OPTN: variants seen among roughly 807,000 people sequenced by gnomAD.
The protein encoded by OPTN is optineurin.
A neutral mutation model predicts 70.4 loss-of-function variants in OPTN; 54 were observed. The ratio of observed to expected loss-of-function variants is 0.77; its 90% confidence interval spans 0.62 to 0.96. OPTN has a LOEUF of 0.96. Among genes scored for constraint, OPTN ranks in the 40% least tolerant of loss-of-function variants. OPTN has a pLI of 0.00. For missense variants in OPTN, 624 were observed against 673.2 expected (o/e 0.93, Z 0.81); for synonymous variants, 256 against 248.5 (o/e 1.03, Z -0.28).
intron 1 of OPTN, among the ~76,000 whole-genome samples, 166 bp from the exon 2 acceptor site, chr10:13,107,972 C>T (rs1480700972): frequency 6.6e-6 from 1 of 152,150 alleles, no homozygotes; most frequent in South Asian, 2.1e-4. Context: ...ACTCATTGGT[C>T]TTGCATTTCT....
At chr10:13,134,499 C>T (rs1246416748) in intron 14 of OPTN, among the ~76,000 whole-genome samples, 1 of 152,148 alleles carries the variant, frequency 6.6e-6, no homozygotes, top group Non-Finnish European at 1.5e-5. Context: ...GTGGCATGAT[C>T]GTGGATCACT....
chr10:13,118,996 G>A lies in OPTN; in HGVS notation c.735G>A (p.Gln245=), dbSNP rs1355411320. The change falls in exon 7 of 15, where the codon CAG becomes CAA. Residue 245 remains glutamine, a synonymous_variant. Coordinates refer to ENST00000378747, the MANE Select transcript of OPTN (RefSeq NM_001008212.2). ...TGCTGTGCCTAAGGGAAGGGAATCAGAAGGTGGAGAGACTTGAAGTTGCAC... is the reference window on the plus strand; with the variant it reads ...TGCTGTGCCTAAGGGAAGGGAATCAAAAGGTGGAGAGACTTGAAGTTGCAC... ...QLLLCLREGN[Q]KVERLEVALK... is the part of the protein sequence containing the mutation. 1 of 1,613,998 alleles carries A rather than the reference G, an allele frequency of 6.2e-7. No homozygotes were observed. The highest frequency in any genetic ancestry group is 2.2e-5 in the East Asian group (1 of 44,888).
At chr10:13,129,822 T>G (rs749519654) in intron 12 of OPTN, among the ~76,000 whole-genome samples, 12 of 152,232 alleles carry the variant, frequency 7.9e-5, no homozygotes, top group Non-Finnish European at 1.5e-4. Context: ...ATTTTTAATA[T>G]AATAATGTCA....
intron 12 of OPTN, among the ~76,000 whole-genome samples, chr10:13,130,156 G>A (rs1425902675): frequency 2.6e-5 from 4 of 152,038 alleles, no homozygotes; most frequent in Non-Finnish European, 2.9e-5. Flanking sequence ...GCCGGGCATG[G>A]TGGCTCACAC....
intron 12 of OPTN, 82 bp downstream of exon 12, chr10:13,127,985 G>A: frequency 1.4e-6 from 2 of 1,480,678 alleles, no homozygotes; most frequent in Non-Finnish European, 9.4e-7. Flanking sequence ...TGTTTAGAAT[G>A]TTTGTAATTT....
At chr10:13,133,181 T>C (rs1461919858) in intron 13 of OPTN, among the ~76,000 whole-genome samples, 3 of 152,216 alleles carry the variant, frequency 2.0e-5, no homozygotes, top group Non-Finnish European at 2.9e-5. Context: ...AATATTATGA[T>C]TTTGAGCTCT....
rs1224036514 is a variant in OPTN, at chr10:13,110,279, A to G, written c.172A>G (p.Met58Val). The G allele has an allele frequency of 1.9e-6, 3 of 1,613,944 alleles. No individual in the cohort carries two copies. The highest frequency in any genetic ancestry group is 4.5e-5 in the East Asian group (2 of 44,872). Reference protein sequence around the residue: ...LTENHQLKEAMKLNNQAMKGR... With the variant: ...LTENHQLKEAVKLNNQAMKGR... Reference sequence around the variant, plus strand: ...TCACTCTGAACCTCCTGCAGAAGCCATGAAGCTAAATAATCAAGCCATGAA... The same window carrying G: ...TCACTCTGAACCTCCTGCAGAAGCCGTGAAGCTAAATAATCAAGCCATGAA... Residue 58 changes from methionine to valine, a missense_variant, in exon 4 of 15, where the codon ATG becomes GTG. Physicochemically the swap from Met to Val is conservative, Grantham distance 21. Transcript: ENST00000378747.
At chr10:13,102,694 G>T (rs1475301451) in intron 1 of OPTN, among the ~76,000 whole-genome samples, 1 of 152,184 alleles carries the variant, frequency 6.6e-6, no homozygotes, top group Admixed American at 6.5e-5. Context: ...TGTAATCCCA[G>T]CACTTAGGGA....
intron 13 of OPTN, among the ~76,000 whole-genome samples, chr10:13,132,486 G>T (rs1280064348): frequency 6.6e-6 from 1 of 152,026 alleles, no homozygotes; most frequent in African/African-American, 2.4e-5. Flanking sequence ...AGATAAGCAA[G>T]GATTTTGATT....
intron 8 of OPTN, 43 bp from the exon 9 acceptor site, chr10:13,123,952 G>A (rs762327185): frequency 1.4e-6 from 2 of 1,420,162 alleles, no homozygotes. Flanking sequence ...TTTAATGTCA[G>A]ATGATAATTG....
In OPTN at chr10:13,137,955, G is replaced by A. The variant is rs758812707; in HGVS notation, c.*1089G>A. ...TTCATAATCACAAGAATTAGTGATG[G>A]CAAAATAAAATTTTGCTTATGAATC... On this transcript the variant is annotated 3_prime_UTR_variant, in exon 15 of 15. Coordinates refer to ENST00000378747, the MANE Select transcript of OPTN (RefSeq NM_001008212.2). The A allele has an allele frequency of 5.6e-5, 12 of 213,232 alleles. No individual in the cohort carries two copies. Among genetic ancestry groups the A allele is most frequent in the Non-Finnish European group, 9.5e-5 (10 of 105,656 alleles). 13.2% of individuals were successfully genotyped at this position (213,232 alleles called of 1,614,324 possible). A position where few individuals can be genotyped will look rare whatever the true frequency, so the allele number is the denominator to read the frequency against.
At chr10:13,136,698 A>T in intron 14 of OPTN, 47 bp from the exon 15 acceptor site, 1 of 1,613,008 alleles carries the variant, frequency 6.2e-7, no homozygotes, top group South Asian at 1.1e-5. Context: ...AAACAAACAC[A>T]ACTGCCTGCA....
At chr10:13,115,494 ATATAATATAGAATATATATAATATAT>A (rs1833175688) in intron 5 of OPTN, among the ~76,000 whole-genome samples, 3 of 98,806 alleles carry the variant, frequency 3.0e-5, no homozygotes, top group African/African-American at 1.6e-4. Context: ...ATTCTATATT[ATATAATATAGAATATATATAATATAT>A]TCTATAATAT....
chr10:13,122,735 G>A, intron 8 of OPTN: 2 of 432,142 alleles, frequency 4.6e-6, no homozygotes, highest in Non-Finnish European at 8.7e-6. Flanking sequence ...GGAGTGCAGT[G>A]GCACGATCTC....
intron 7 of OPTN, among the ~76,000 whole-genome samples, chr10:13,122,001 G>C (rs1369318522): frequency 1.3e-5 from 2 of 152,152 alleles, no homozygotes; most frequent in African/African-American, 4.8e-5. Context: ...ACTTAGCTGT[G>C]TCCTAAAAGG....
At chr10:13,114,858 T>G (rs1833111040) in intron 5 of OPTN, among the ~76,000 whole-genome samples, 1 of 71,754 alleles carries the variant, frequency 1.4e-5, no homozygotes, top group South Asian at 5.7e-4. Flanking sequence ...GTATAATATA[T>G]TCTACAATTA....
At chr10:13,115,462 TAA>T (rs1688612813) in intron 5 of OPTN, among the ~76,000 whole-genome samples, 1 of 106,600 alleles carries the variant, frequency 9.4e-6, no homozygotes, top group African/African-American at 4.2e-5. Flanking sequence ...CTATATTATA[TAA>T]TATAGAATAT....
intron 11 of OPTN, among the ~76,000 whole-genome samples, chr10:13,126,689 T>C (rs901801815): frequency 2.6e-5 from 4 of 152,152 alleles, no homozygotes; most frequent in Non-Finnish European, 5.9e-5. Context: ...GCGTGCCTGC[T>C]GTCAGTGAAT....
At chr10:13,101,505 G>A (rs550990351) in intron 1 of OPTN, among the ~76,000 whole-genome samples, 67 of 142,140 alleles carry the variant, frequency 4.7e-4, no homozygotes, top group Non-Finnish European at 8.8e-4. Flanking sequence ...AGGCGCATAA[G>A]TATTCTGGCC....
Sources: gnomAD v4.1 joint callset for allele counts (sites outside exome capture counted in the v4.1 genomes callset) on GRCh38, gnomAD v4.1.1 for gene constraint, MANE v1.5 for transcripts, NCBI Gene and HGNC (gene_info 2026-07-23, HGNC 2026-07-21) for gene names.